The following ST8SIA2 variants were observed in gnomAD, a reference collection of about 807,000 sequenced individuals.
ST8SIA2 encodes alpha-2,8-sialyltransferase 8B.
A neutral mutation model predicts 37.6 loss-of-function variants in ST8SIA2; 22 were observed. The observed-to-expected ratio is 0.58, with a 90% CI of 0.42 to 0.83. The LOEUF (loss-of-function observed/expected upper bound fraction) is 0.83. Ranked by LOEUF, ST8SIA2 falls within the 40% of genes least tolerant of loss-of-function variation. The probability of loss-of-function intolerance (pLI) is 0.00; values close to 1 mark genes in which losing one functional copy is unlikely to be tolerated. For synonymous variants in ST8SIA2, 205 were observed against 201.2 expected, an observed-to-expected ratio of 1.02 and a Z score of -0.16; for missense variants, 382 against 484.7, an observed-to-expected ratio of 0.79 and a Z score of 1.99.
intron 1 of ST8SIA2, among the ~76,000 whole-genome samples, chr15:92,410,187 C>T (rs1018429787): frequency 3.9e-5 from 6 of 152,246 alleles, no homozygotes; most frequent in Non-Finnish European, 7.3e-5. Flanking sequence ...TTTTCCTGTG[C>T]AGTGGAGTTC....
intron 5 of ST8SIA2, among the ~76,000 whole-genome samples, chr15:92,459,018 G>T (rs1402479186): frequency 6.6e-6 from 1 of 152,150 alleles, no homozygotes; most frequent in Non-Finnish European, 1.5e-5. Flanking sequence ...GTGGGGAAAG[G>T]CATCTAGGCG....
At chr15:92,430,675 A>T (rs2049708965) in intron 2 of ST8SIA2, among the ~76,000 whole-genome samples, 1 of 152,162 alleles carries the variant, frequency 6.6e-6, no homozygotes, top group Admixed American at 6.5e-5. Context: ...CAGCGTGCAA[A>T]CCCAGGCTTG....
At chr15:92,405,819 G>T (rs2049504479) in intron 1 of ST8SIA2, among the ~76,000 whole-genome samples, 1 of 152,168 alleles carries the variant, frequency 6.6e-6, no homozygotes, top group South Asian at 2.1e-4. Flanking sequence ...GCATACTTTT[G>T]TGTGGCCACT....
chr15:92,417,886 A>G (rs952616092), intron 1 of ST8SIA2, among the ~76,000 whole-genome samples: 2 of 152,282 alleles, frequency 1.3e-5, no homozygotes, highest in Non-Finnish European at 1.5e-5. Flanking sequence ...TCTAGCTTGA[A>G]TATTTTCCCA....
intron 4 of ST8SIA2, among the ~76,000 whole-genome samples, chr15:92,443,468 C>T (rs879339126): frequency 6.6e-6 from 1 of 152,200 alleles, no homozygotes; most frequent in Non-Finnish European, 1.5e-5. Flanking sequence ...TTAGTTTGCC[C>T]TCCAGTACCC....
chr15:92,402,330 G>A (rs1208142238), intron 1 of ST8SIA2, among the ~76,000 whole-genome samples: 1 of 152,172 alleles, frequency 6.6e-6, no homozygotes, highest in African/African-American at 2.4e-5. Context: ...CACTTTAGCT[G>A]TATTCACACC....
At chr15:92,451,725 A>C (rs960661131) in intron 5 of ST8SIA2, among the ~76,000 whole-genome samples, 1 of 152,202 alleles carries the variant, frequency 6.6e-6, no homozygotes, top group Non-Finnish European at 1.5e-5. Context: ...CGCCATGCCA[A>C]GTAGCATTAT....
intron 1 of ST8SIA2, among the ~76,000 whole-genome samples, chr15:92,407,410 G>A (rs922135987): frequency 2.0e-5 from 3 of 152,200 alleles, no homozygotes; most frequent in Non-Finnish European, 4.4e-5. Context: ...GGCTTGACCC[G>A]GTGCTGGAGC....
At chr15:92,454,159 A>G (rs2049902599) in intron 5 of ST8SIA2, among the ~76,000 whole-genome samples, 2 of 152,054 alleles carry the variant, frequency 1.3e-5, no homozygotes, top group African/African-American at 4.8e-5. Context: ...ATTATCTAGC[A>G]GTTCTGGGGG....
chr15:92,431,439 C>A (rs1192846295), intron 2 of ST8SIA2, among the ~76,000 whole-genome samples: 1 of 152,122 alleles, frequency 6.6e-6, no homozygotes, highest in East Asian at 1.9e-4. Flanking sequence ...TTAGAACCAC[C>A]AAATGTAAGA....
chr15:92,447,141 G>A (rs529209939), intron 5 of ST8SIA2, among the ~76,000 whole-genome samples: 22 of 152,322 alleles, frequency 1.4e-4, no homozygotes, highest in African/African-American at 5.3e-4. Flanking sequence ...ATATCTAAGA[G>A]TTGGTCAGAT....
At chr15:92,433,983 A>G (rs574632336) in intron 2 of ST8SIA2, among the ~76,000 whole-genome samples, 1 of 152,290 alleles carries the variant, frequency 6.6e-6, no homozygotes, top group East Asian at 1.9e-4. Flanking sequence ...ACCAGGAAAA[A>G]AAAAATCACT....
intron 4 of ST8SIA2, among the ~76,000 whole-genome samples, chr15:92,442,548 C>T (rs1171813509): frequency 3.9e-5 from 6 of 152,178 alleles, no homozygotes; most frequent in African/African-American, 1.4e-4. Flanking sequence ...CTTGGCCCTG[C>T]TCTCAGGACC....
intron 5 of ST8SIA2, among the ~76,000 whole-genome samples, chr15:92,449,718 G>A (rs140369100): frequency 0.014 from 2,104 of 152,186 alleles, 41 homozygotes; most frequent in African/African-American, 0.046. Context: ...ATGGTATCTC[G>A]TTGTGGTTTT....
intron 5 of ST8SIA2, among the ~76,000 whole-genome samples, chr15:92,457,186 T>G (rs746937302): frequency 6.6e-6 from 1 of 152,170 alleles, no homozygotes; most frequent in East Asian, 1.9e-4. Flanking sequence ...TCACTGAGTC[T>G]CCCTTGATGA....
chr15:92,446,245 A>T (rs1036321061), intron 5 of ST8SIA2, among the ~76,000 whole-genome samples: 11 of 152,172 alleles, frequency 7.2e-5, no homozygotes, highest in Non-Finnish European at 1.0e-4. Context: ...GTTTCTCCAA[A>T]TGATCTCTCC....
chr15:92,464,265 G>C lies in ST8SIA2; in HGVS notation c.1008G>C (p.Lys336Asn). Residue 336 changes from lysine (K) to asparagine (N), a missense_variant, in exon 6 of 6, where the codon AAG (lysine) becomes AAC (asparagine). Lys to Asn is a moderately conservative substitution (Grantham distance 94). Coordinates refer to ENST00000268164, the MANE Select transcript of ST8SIA2 (RefSeq NM_006011.4). ...PVKYHYYDSL[K>N]YGYTSQASPH... ...AGTACCACTATTATGACAGCCTCAA[G>C]TATGGCTACACCTCCCAGGCCAGCC... 2 of 1,613,936 alleles carry C rather than the reference G, an allele frequency of 1.2e-6. No homozygotes were observed. Among genetic ancestry groups the C allele is most frequent in the African/African-American group, 1.3e-5 (1 of 74,944 alleles).
At chr15:92,444,986 T>C (rs1340026478) in intron 5 of ST8SIA2, 57 bp downstream of exon 5, 18 of 1,597,102 alleles carry the variant, frequency 1.1e-5, no homozygotes, top group Non-Finnish European at 1.5e-5. Flanking sequence ...AGATTCTTGG[T>C]AGGCAGTATC....
Position 92,394,075 on chromosome 15 carries a change from A to G in ST8SIA2, c.11A>G (p.Gln4Arg). 6.4e-7 allele frequency: 1 copy of G among 1,552,698 alleles called. No homozygotes were observed. The highest frequency in any genetic ancestry group is 8.7e-7 in the Non-Finnish European group (1 of 1,147,496). Residue 4 changes from glutamine (Q) to arginine (R), a missense_variant, in exon 1 of 6, where the codon CAG becomes CGG. By Grantham distance (43) the Gln-to-Arg change is conservative (BLOSUM62 1). Transcript: ENST00000268164. ...GGGCGCGAACCCACCATGCAGCTGC[A>G]GTTCCGGAGCTGGATGCTGGCCGCG... Reference protein sequence around the residue: MQLQFRSWMLAALT... With the variant: MQLRFRSWMLAALT...
Sources: gnomAD v4.1 joint callset for allele counts (sites outside exome capture counted in the v4.1 genomes callset) on GRCh38, gnomAD v4.1.1 for gene constraint, MANE v1.5 for transcripts, NCBI Gene and HGNC (gene_info 2026-07-23, HGNC 2026-07-21) for gene names.